The following UBE4B variants were observed in gnomAD, a reference collection of about 807,000 sequenced individuals.
The protein encoded by UBE4B is ubiquitination factor E4B, also known as ubiquitin conjugation factor E4 B.
Under a neutral mutation model 148.1 loss-of-function variants are expected in UBE4B, and 27 were observed. The observed-to-expected ratio is 0.18, with a 90% CI of 0.13 to 0.25. UBE4B has a LOEUF of 0.25. Ranked by LOEUF, UBE4B falls within the 10% of genes least tolerant of loss-of-function variation. UBE4B has a pLI of 1.00. For synonymous variants in UBE4B, 596 were observed against 619.3 expected, an observed-to-expected ratio of 0.96 and a Z score of 0.56; for missense variants, 1,170 against 1,662.4, an observed-to-expected ratio of 0.70 and a Z score of 5.15.
chr1:10,039,277 C>A (rs1399662827), intron 1 of UBE4B, among the ~76,000 whole-genome samples: 1 of 152,102 alleles, frequency 6.6e-6, no homozygotes, highest in Non-Finnish European at 1.5e-5. Context: ...ATACTTAACG[C>A]TGAGTAGCAG....
intron 7 of UBE4B, chr1:10,107,271 A>T (rs532388194): frequency 7.8e-7 from 1 of 1,289,582 alleles, no homozygotes; most frequent in East Asian, 5.6e-5. Context: ...TTCTGGGGAC[A>T]GTAGTGATGA....
intron 9 of UBE4B, 49 bp downstream of exon 9, chr1:10,119,662 C>T: frequency 6.5e-7 from 1 of 1,548,450 alleles, no homozygotes; most frequent in Non-Finnish European, 8.9e-7. Flanking sequence ...AGAGCCCTAG[C>T]CGTCAGTGGA....
At chr1:10,173,132 A>G (rs1441039266) in intron 25 of UBE4B, among the ~76,000 whole-genome samples, 1 of 152,134 alleles carries the variant, frequency 6.6e-6, no homozygotes, top group Non-Finnish European at 1.5e-5. Flanking sequence ...TTATCATACA[A>G]AGTAGTGGCT....
In UBE4B at chr1:10,121,992, G is replaced by A. The variant is rs768817664; in HGVS notation, c.1470G>A (p.Pro490=). ...TGCAGCAGCCGTCCTTCCTAGTGCC[G>A]TATATGCTGTGTAGGAATCTCCCAT... The part of the protein sequence containing the change: ...RSLQQPSFLV[P]YMLCRNLPYG... The change falls in exon 10 of 28, where the codon CCG becomes CCA. Residue 490 remains proline, a synonymous_variant. Transcript: ENST00000343090. The A allele has an allele frequency of 5.0e-6, 8 of 1,613,166 alleles. No homozygotes were observed. Among genetic ancestry groups the A allele is most frequent in the East Asian group, 4.5e-5 (2 of 44,854 alleles).
chr1:10,149,499 A>G (rs6696978), intron 20 of UBE4B, among the ~76,000 whole-genome samples: 35,325 of 152,102 alleles, frequency 0.23, 4,533 homozygotes, highest in Admixed American at 0.33. Flanking sequence ...CAGTGCAGAT[A>G]ATGTATTCCT....
chr1:10,145,218 G>T (rs2101974323), intron 18 of UBE4B, 179 bp downstream of exon 18: 1 of 472,054 alleles, frequency 2.1e-6, no homozygotes, highest in Non-Finnish European at 3.8e-6. Flanking sequence ...TGTATATAAT[G>T]ATTTCAGTCT....
At chr1:10,071,432 AAATT>A (rs1258106339) in intron 1 of UBE4B, among the ~76,000 whole-genome samples, 3 of 152,124 alleles carry the variant, frequency 2.0e-5, no homozygotes, top group Admixed American at 6.5e-5. Context: ...AAATTAAAAA[AAATT>A]AATTAGCTGG....
intron 18 of UBE4B, among the ~76,000 whole-genome samples, 181 bp from the exon 19 acceptor site, chr1:10,146,782 T>C (rs1219737176): frequency 6.6e-6 from 1 of 152,088 alleles, no homozygotes; most frequent in Non-Finnish European, 1.5e-5. Flanking sequence ...TGCCACGCCT[T>C]TGTTTTTCTC....
rs145065333 is a variant in UBE4B at position 10,037,905 on chromosome 1, G to A, written c.24+4211G>A. 5.3e-3 allele frequency among the ~76,000 whole-genome samples: 810 copies of A among 152,282 alleles called. 10 individuals are homozygous for A. Among genetic ancestry groups the A allele is most frequent in the African/African-American group, 0.018 (755 of 41,564 alleles). On this transcript the variant is annotated intron_variant, in intron 1 of 27. Transcript: ENST00000343090. The stretch of plus-strand genomic sequence containing the variant: ...CGACAATGGTAATGAGATTGCATAA[G>A]TGATTTTTCTCTCCTAACTCTTCTT...
intron 25 of UBE4B, among the ~76,000 whole-genome samples, chr1:10,175,437 G>A (rs1178231261): frequency 1.3e-5 from 2 of 151,732 alleles, no homozygotes; most frequent in Non-Finnish European, 2.9e-5. Context: ...GGATCACAAG[G>A]TCAGGAGATC....
intron 26 of UBE4B, chr1:10,179,151 G>T: frequency 2.0e-6 from 1 of 497,746 alleles, no homozygotes; most frequent in Non-Finnish European, 3.5e-6. Flanking sequence ...CACGGAGCCT[G>T]TGGGGCCTGC....
At chr1:10,173,116 G>A (rs1044955649) in intron 25 of UBE4B, among the ~76,000 whole-genome samples, 6 of 152,166 alleles carry the variant, frequency 3.9e-5, no homozygotes, top group Non-Finnish European at 5.9e-5. Flanking sequence ...TGTGTCTAAA[G>A]CAGTTTTATC....
chr1:10,055,610 T>C (rs1644150891), intron 1 of UBE4B, among the ~76,000 whole-genome samples: 1 of 152,132 alleles, frequency 6.6e-6, no homozygotes, highest in Non-Finnish European at 1.5e-5. Context: ...ATCAGTTTTA[T>C]GGAATAGTGT....
In UBE4B at chr1:10,106,215, G is replaced by A. The variant is rs376271508; in HGVS notation, c.828G>A (p.Pro276=). The A allele has an allele frequency of 1.4e-5, 22 of 1,602,414 alleles. No individual in the cohort carries two copies. Among genetic ancestry groups the A allele is most frequent in the African/African-American group, 2.7e-5 (2 of 74,482 alleles). ...SSLSSLYESS[P]APTPSFWSSV... is the part of the protein sequence containing the mutation. ...AATTTAGCCTCTATGAAAGTAGTCC[G>A]GCTCCCACTCCCAGTTTCTGGAGCT... The change falls in exon 7 of 28, where the codon CCG becomes CCA. Residue 276 remains proline, a synonymous_variant. Coordinates refer to ENST00000343090, the MANE Select transcript of UBE4B (RefSeq NM_001105562.3). This position sits in a 1 kb window ranked among gnomAD's most constrained non-coding sequence, Gnocchi z 4.2.
chr1:10,152,806 A>G (rs1645999218), intron 21 of UBE4B, among the ~76,000 whole-genome samples: 1 of 149,948 alleles, frequency 6.7e-6, no homozygotes, highest in Non-Finnish European at 1.5e-5. Context: ...TCAAAAAAGA[A>G]AAAAAAAAAG....
chr1:10,040,676 G>A (rs779066592), intron 1 of UBE4B, among the ~76,000 whole-genome samples: 4 of 150,016 alleles, frequency 2.7e-5, no homozygotes, highest in Non-Finnish European at 5.9e-5. Flanking sequence ...GGAGTGCAAT[G>A]GCGCGATCTC....
At chr1:10,043,369 C>T in intron 1 of UBE4B, among the ~76,000 whole-genome samples, 1 of 150,394 alleles carries the variant, frequency 6.6e-6, no homozygotes, top group Admixed American at 6.7e-5. Flanking sequence ...GAGATGTACT[C>T]TCCTCCCCCT....
chr1:10,152,601 C>T (rs1408026828), intron 21 of UBE4B, among the ~76,000 whole-genome samples: 1 of 151,818 alleles, frequency 6.6e-6, no homozygotes, highest in Non-Finnish European at 1.5e-5. Context: ...AATTTGTGAC[C>T]AGCCTGGCCA....
intron 2 of UBE4B, among the ~76,000 whole-genome samples, chr1:10,090,376 C>T (rs1644827871): frequency 6.6e-6 from 1 of 152,114 alleles, no homozygotes; most frequent in Non-Finnish European, 1.5e-5. Context: ...CCACCTTGGC[C>T]TCCAAAAGTT....
Sources: allele counts gnomAD v4.1 joint callset (sites outside exome capture counted in the v4.1 genomes callset), GRCh38; gene constraint gnomAD v4.1.1; non-coding constraint Gnocchi (gnomAD v3.1); transcripts MANE v1.5; gene names NCBI Gene and HGNC (gene_info 2026-07-23, HGNC 2026-07-21).